Variants in DSCAML1 observed in about 807,000 individuals in gnomAD.
DSCAML1 encodes the protein DS cell adhesion molecule like 1, also known as cell adhesion molecule DSCAML1.
DSCAML1 carries 38 observed loss-of-function variants against 200.5 expected under a neutral mutation model. The ratio of observed to expected loss-of-function variants is 0.19; its 90% CI spans 0.15 to 0.25. DSCAML1 has a LOEUF of 0.25. DSCAML1 is among the 10% of genes least tolerant of loss of function. The pLI, the probability that DSCAML1 is intolerant of heterozygous loss-of-function variation, is 1.00. For synonymous variants in DSCAML1, 1,215 were observed against 1,165.0 expected (o/e 1.04, Z -0.87); for missense variants, 2,223 against 2,858.8 (o/e 0.78, Z 5.07).
At chr11:117,587,593 T>C (rs1017785582) in intron 3 of DSCAML1, among the ~76,000 whole-genome samples, 2 of 152,140 alleles carry the variant, frequency 1.3e-5, no homozygotes, top group Non-Finnish European at 2.9e-5. Context: ...TGTTCATGAC[T>C]CCTCTGCTGC....
intron 3 of DSCAML1, among the ~76,000 whole-genome samples, chr11:117,763,364 G>A (rs1004143124): frequency 1.3e-5 from 2 of 151,324 alleles, no homozygotes; most frequent in African/African-American, 4.9e-5. Flanking sequence ...TGGGGTCCGG[G>A]CAAGGGAGGC....
At chr11:117,479,861 T>A (rs1253277533) in intron 14 of DSCAML1, among the ~76,000 whole-genome samples, 1 of 152,152 alleles carries the variant, frequency 6.6e-6, no homozygotes, top group Non-Finnish European at 1.5e-5. Flanking sequence ...TTGACCAGAC[T>A]GGTCTCGAAC....
chr11:117,725,720 G>A (rs1279747952), intron 3 of DSCAML1, among the ~76,000 whole-genome samples: 1 of 152,138 alleles, frequency 6.6e-6, no homozygotes, highest in African/African-American at 2.4e-5. Context: ...GCTGGCCCCT[G>A]AACCCCATCT....
At chr11:117,629,307 T>C (rs2052121547) in intron 3 of DSCAML1, among the ~76,000 whole-genome samples, 1 of 152,028 alleles carries the variant, frequency 6.6e-6, no homozygotes, top group East Asian at 1.9e-4. Flanking sequence ...GCATCCCTGG[T>C]GCTGAGACCT....
At position 117,465,110 on chromosome 11, in the gene DSCAML1, T is replaced by G; in HGVS notation, c.3097A>C (p.Ser1033Arg). The G allele has an allele frequency of 6.2e-7, 1 of 1,614,100 alleles. No homozygotes were observed. Among genetic ancestry groups the G allele is most frequent in the Non-Finnish European group, 8.5e-7 (1 of 1,180,004 alleles). ...QIGYRENSPGSNGQYSIVEMK... is the reference protein window; with the variant it reads ...QIGYRENSPGRNGQYSIVEMK... ...TCCACGATGCTGTACTGCCCGTTGC[T>G]GCCGGGGCTGTTCTCTCTGTAGCCA... Residue 1033 changes from serine to arginine, a missense_variant, in exon 17 of 33, where the codon AGC becomes CGC. Ser to Arg is a moderately radical substitution (Grantham distance 110). Around this residue, in one of 7 missense-constraint regions of DSCAML1, gnomAD observed 438 missense variants for 629.7 expected, o/e 0.70. Coordinates refer to ENST00000651296, the MANE Select transcript of DSCAML1 (RefSeq NM_020693.4).
In DSCAML1 at chr11:117,505,243, CT is replaced by C. The variant is rs1204581538; in HGVS notation, c.2063-201del. Among the ~76,000 whole-genome samples, 7 of 152,242 alleles carry C rather than the reference CT, an allele frequency of 4.6e-5. No individual in the cohort carries two copies. The highest frequency in any genetic ancestry group is 1.7e-4 in the African/African-American group (7 of 41,544). ...TGGGAGCTCTGAGTTCCAGTCCTGC[CT>C]TTGCCACTGACTAACTGAGCAAGTG... On this transcript the variant is annotated intron_variant, in intron 9 of 32. Transcript: ENST00000651296. The surrounding 1 kb of genome is among the most constrained non-coding windows in gnomAD (Gnocchi z 6.7).
chr11:117,791,879 C>G (rs910935099), intron 1 of DSCAML1, among the ~76,000 whole-genome samples: 2 of 152,290 alleles, frequency 1.3e-5, no homozygotes, highest in African/African-American at 2.4e-5. Flanking sequence ...TTATTGAGCA[C>G]TAACTATGTT....
chr11:117,522,113 T>C (rs2137318850), intron 5 of DSCAML1, among the ~76,000 whole-genome samples: 1 of 152,350 alleles, frequency 6.6e-6, no homozygotes, highest in East Asian at 1.9e-4. Flanking sequence ...CTGCCTGCGA[T>C]TTCTGCATAC....
intron 3 of DSCAML1, among the ~76,000 whole-genome samples, chr11:117,682,947 A>G (rs1366055199): frequency 1.3e-5 from 2 of 152,206 alleles, no homozygotes; most frequent in East Asian, 3.8e-4. Context: ...CAGCTGAAAG[A>G]GAAATCAGAC....
intron 19 of DSCAML1, among the ~76,000 whole-genome samples, chr11:117,451,810 G>A (rs1020907177): frequency 2.7e-4 from 15 of 55,242 alleles, no homozygotes; most frequent in East Asian, 1.7e-3. Context: ...GCAAGACTCC[G>A]TCTCAAAAAA....
In DSCAML1 at chr11:117,524,670, T is replaced by G. The variant is rs944902704; in HGVS notation, c.937+135A>C. On this transcript the variant is annotated intron_variant, in intron 5 of 32. Transcript: ENST00000651296. ...CAAGGGCTTTTCCAGGATACCAGACTGCCTTCCCCAGTCAGCCAGGGTTAT... is the reference window on the plus strand; with the variant it reads ...CAAGGGCTTTTCCAGGATACCAGACGGCCTTCCCCAGTCAGCCAGGGTTAT... 8.9e-6 allele frequency: 10 copies of G among 1,125,664 alleles called. No individual in the cohort carries two copies. The South Asian group carries it at 1.7e-4, about 19-fold the overall frequency. 69.7% of individuals were successfully genotyped at this position (1,125,664 alleles called of 1,614,324 possible).
At chr11:117,806,512 C>T (rs1247716879) in intron 1 of DSCAML1, among the ~76,000 whole-genome samples, 1 of 152,196 alleles carries the variant, frequency 6.6e-6, no homozygotes, top group Non-Finnish European at 1.5e-5. Flanking sequence ...GAGTCCTGGA[C>T]TCCTACTAAT....
intron 3 of DSCAML1, among the ~76,000 whole-genome samples, chr11:117,594,570 T>C (rs2051324422): frequency 1.3e-5 from 2 of 152,228 alleles, no homozygotes; most frequent in African/African-American, 4.8e-5. Context: ...GATGGTGTTC[T>C]GGCTCTGACA....
chr11:117,496,259 C>CA (rs761887862), intron 11 of DSCAML1, among the ~76,000 whole-genome samples: 5 of 152,228 alleles, frequency 3.3e-5, no homozygotes, highest in African/African-American at 4.8e-5. Flanking sequence ...GAGGGTGCTT[C>CA]AATCTTGCCT....
At chr11:117,694,086 T>TATAC (rs1199793869) in intron 3 of DSCAML1, among the ~76,000 whole-genome samples, 44 of 141,514 alleles carry the variant, frequency 3.1e-4, no homozygotes, top group African/African-American at 1.1e-3. Context: ...TATACACATA[T>TATAC]ATATATATTT....
chr11:117,758,014 C>A (rs11216533), intron 3 of DSCAML1, among the ~76,000 whole-genome samples: 8,122 of 122,314 alleles, frequency 0.066, 271 homozygotes, highest in Non-Finnish European at 0.086. Flanking sequence ...AACAAACAAA[C>A]AAAAATGGTC....
At chr11:117,623,931 T>A (rs1007756473) in intron 3 of DSCAML1, among the ~76,000 whole-genome samples, 1 of 152,168 alleles carries the variant, frequency 6.6e-6, no homozygotes, top group Non-Finnish European at 1.5e-5. Context: ...TGGAGGATAA[T>A]GGCTTGCTGT....
At chr11:117,561,469 GCACAT>G (rs2050661760) in intron 3 of DSCAML1, among the ~76,000 whole-genome samples, 1 of 152,204 alleles carries the variant, frequency 6.6e-6, no homozygotes. Flanking sequence ...GATGAAATCT[GCACAT>G]GCTACAGTTC....
intron 1 of DSCAML1, among the ~76,000 whole-genome samples, chr11:117,811,431 T>G (rs777740370): frequency 7.9e-5 from 12 of 152,168 alleles, no homozygotes; most frequent in Non-Finnish European, 1.3e-4. Context: ...TAAAAAAAGT[T>G]GCAATTCCTT....
Sources: allele counts gnomAD v4.1 joint callset (sites outside exome capture counted in the v4.1 genomes callset), GRCh38; gene constraint gnomAD v4.1.1; regional missense constraint gnomAD v4.1.1; non-coding constraint Gnocchi (gnomAD v3.1); transcripts MANE v1.5; gene names NCBI Gene and HGNC (gene_info 2026-07-23, HGNC 2026-07-21).